The following SPATA3 variants were observed in gnomAD, a reference collection of about 807,000 sequenced individuals.
SPATA3 encodes the protein spermatogenesis-associated protein 3.
SPATA3 carries 6 observed loss-of-function variants against 5.7 expected under a neutral mutation model. The ratio of observed to expected loss-of-function variants is 1.06; its 90% CI spans 0.58 to 2.09. The LOEUF (loss-of-function observed/expected upper bound fraction) is 2.09, where lower values mean the gene tolerates loss of function less well. SPATA3 is among the 30% of genes most tolerant of loss of function. The pLI is 0.00. For missense variants in SPATA3, 155 were observed against 130.4 expected (o/e 1.19, Z -0.92); for synonymous variants, 44 against 48.4 (o/e 0.91, Z 0.37).
At chr2:231,002,883 C>A (rs938820916), downstream of SPATA3, 1 of 784,102 alleles carries the variant, frequency 1.3e-6, no homozygotes, top group South Asian at 3.6e-5. Flanking sequence ...GTGGACCAAG[C>A]CCCGGCCTCT....
downstream of SPATA3, among the ~76,000 whole-genome samples, chr2:231,005,219 A>G (rs1692529333): frequency 6.7e-6 from 1 of 149,492 alleles, no homozygotes; most frequent in Non-Finnish European, 1.5e-5. Context: ...CATCACCACC[A>G]TCATCACCAT....
chr2:230,999,237 G>A (rs2125094719), intron 1 of SPATA3, among the ~76,000 whole-genome samples: 1 of 152,292 alleles, frequency 6.6e-6, no homozygotes, highest in South Asian at 2.1e-4. Context: ...GGGGAAATGG[G>A]AGAGTGGGGA....
intron 5 of SPATA3, among the ~76,000 whole-genome samples, chr2:231,013,020 C>T (rs1298994246): frequency 6.6e-6 from 1 of 152,216 alleles, no homozygotes; most frequent in African/African-American, 2.4e-5. Flanking sequence ...AGGCCAGACT[C>T]GCTTGAAATT....
downstream of SPATA3, among the ~76,000 whole-genome samples, chr2:231,004,275 A>G (rs1692457301): frequency 6.6e-6 from 1 of 152,152 alleles, no homozygotes; most frequent in Admixed American, 6.5e-5. Flanking sequence ...GTAAATAGGG[A>G]AAATGACAGT....
intron 1 of SPATA3, among the ~76,000 whole-genome samples, chr2:230,997,145 C>T (rs1338992232): frequency 6.6e-6 from 1 of 152,210 alleles, no homozygotes; most frequent in Non-Finnish European, 1.5e-5. Flanking sequence ...CAAATCTCTT[C>T]TTGAATTCCC....
downstream of SPATA3, among the ~76,000 whole-genome samples, chr2:231,004,907 A>G (rs1692482185): frequency 6.6e-6 from 1 of 152,024 alleles, no homozygotes; most frequent in Non-Finnish European, 1.5e-5. Context: ...CACTCAACAT[A>G]GCTACATCAC....
At chr2:231,001,014 C>T (rs1291680255) in intron 2 of SPATA3, among the ~76,000 whole-genome samples, 1 of 152,240 alleles carries the variant, frequency 6.6e-6, no homozygotes, top group Non-Finnish European at 1.5e-5. Context: ...ACTTGTAACT[C>T]ATATGCCTCC....
At chr2:231,006,257 T>G (rs1574667638), downstream of SPATA3, among the ~76,000 whole-genome samples, 1 of 143,546 alleles carries the variant, frequency 7.0e-6, no homozygotes, top group African/African-American at 2.6e-5. Flanking sequence ...ATCCCAGCAG[T>G]TTGGAAGGCC....
exon 7 of SPATA3, chr2:231,019,760 G>T (rs567904531): frequency 2.0e-5 from 3 of 151,020 alleles, no homozygotes; most frequent in African/African-American, 4.8e-5. Flanking sequence ...TGCACTTCTT[G>T]TTCCATGCTT....
chr2:231,006,418 G>C (rs1692627293), downstream of SPATA3, among the ~76,000 whole-genome samples: 1 of 151,772 alleles, frequency 6.6e-6, no homozygotes, highest in Non-Finnish European at 1.5e-5. Flanking sequence ...CAGGAGAATG[G>C]TGTGCACCCA....
chr2:231,005,538 C>CCACCACCACCATCACCATCATCAT (rs1692585420), downstream of SPATA3, among the ~76,000 whole-genome samples: 1 of 2,326 alleles, frequency 4.3e-4, no homozygotes, highest in African/African-American at 1.9e-3. Context: ...ACCATCATCA[C>CCACCACCACCATCACCATCATCAT]CACCATCATC....
At chr2:231,005,474 A>AC, downstream of SPATA3, among the ~76,000 whole-genome samples, 1 of 135,782 alleles carries the variant, frequency 7.4e-6, no homozygotes, top group African/African-American at 2.8e-5. Context: ...CACCACCATC[A>AC]TCACCACCAC....
intron 2 of SPATA3, among the ~76,000 whole-genome samples, chr2:231,002,431 C>G (rs1403987065): frequency 6.6e-6 from 1 of 152,190 alleles, no homozygotes; most frequent in Non-Finnish European, 1.5e-5. Context: ...ACCTTCCTAA[C>G]CTGGTCCCCT....
chr2:231,016,467 C>T (rs979241283), intron 6 of SPATA3, among the ~76,000 whole-genome samples: 1 of 137,202 alleles, frequency 7.3e-6, no homozygotes, highest in East Asian at 2.1e-4. Context: ...GCAGGTGGAT[C>T]GAGATCAGCC....
intron 6 of SPATA3, among the ~76,000 whole-genome samples, chr2:231,017,716 G>A (rs1211804618): frequency 1.3e-5 from 2 of 152,188 alleles, no homozygotes; most frequent in African/African-American, 4.8e-5. Flanking sequence ...GCATATTTTG[G>A]GATGGCTATT....
chr2:231,010,619 G>A (rs1402578172), downstream of SPATA3, among the ~76,000 whole-genome samples: 3 of 152,162 alleles, frequency 2.0e-5, no homozygotes. Context: ...GGCTAGCCTT[G>A]GGGGAGATGG....
chr2:230,999,441 A>G (rs1692262301), intron 1 of SPATA3: 1 of 152,230 alleles, frequency 6.6e-6, no homozygotes, highest in African/African-American at 2.4e-5. Flanking sequence ...TCTTGCCTTT[A>G]GAATCCCCTC....
chr2:231,014,443 T>C (rs1404363166), intron 6 of SPATA3, among the ~76,000 whole-genome samples: 1 of 152,158 alleles, frequency 6.6e-6, no homozygotes, highest in Non-Finnish European at 1.5e-5. Flanking sequence ...TGTTTTATCT[T>C]TGCTATGCAC....
chr2:231,004,420 T>C (rs889289108), downstream of SPATA3, among the ~76,000 whole-genome samples: 32 of 152,130 alleles, frequency 2.1e-4, no homozygotes, highest in Non-Finnish European at 4.1e-4. Flanking sequence ...AGCTGCCGGC[T>C]CCTTTCTTGA....
Sources: gnomAD v4.1 joint callset for allele counts (sites outside exome capture counted in the v4.1 genomes callset) on GRCh38, gnomAD v4.1.1 for gene constraint, MANE v1.5 for transcripts, NCBI Gene and HGNC (gene_info 2026-07-23, HGNC 2026-07-21) for gene names.